ENOPH1: variants seen among roughly 807,000 people sequenced by gnomAD.
ENOPH1 encodes the protein enolase-phosphatase 1, also known as enolase-phosphatase E1.
ENOPH1 carries 14 observed loss-of-function variants against 31.1 expected under a neutral mutation model. The ratio of observed to expected loss-of-function variants is 0.45; its 90% CI spans 0.30 to 0.70. The LOEUF (loss-of-function observed/expected upper bound fraction) is 0.70. Ranked by LOEUF, ENOPH1 falls within the 30% of genes least tolerant of loss-of-function variation. The pLI, the probability that ENOPH1 is intolerant of heterozygous loss-of-function variation, is 0.09. For synonymous variants in ENOPH1, 127 were observed against 123.2 expected, an observed-to-expected ratio of 1.03 and a Z score of -0.21; for missense variants, 243 against 321.5, an observed-to-expected ratio of 0.76 and a Z score of 1.87.
intron 5 of ENOPH1, among the ~76,000 whole-genome samples, chr4:82,458,305 A>G (rs1004917897): frequency 6.6e-6 from 1 of 152,136 alleles, no homozygotes; most frequent in African/African-American, 2.4e-5. Flanking sequence ...TCAGGAATTC[A>G]AGACCAGCCT....
At chr4:82,436,068 C>T (rs1027828311) in intron 1 of ENOPH1, among the ~76,000 whole-genome samples, 1 of 152,172 alleles carries the variant, frequency 6.6e-6, no homozygotes, top group African/African-American at 2.4e-5. Flanking sequence ...CTTACATTTC[C>T]TGAAACCCAC....
intron 5 of ENOPH1, among the ~76,000 whole-genome samples, chr4:82,458,420 G>A (rs1168181676): frequency 6.6e-6 from 1 of 152,122 alleles, no homozygotes. Flanking sequence ...TGAGGCAGGA[G>A]AATTGCTTGA....
intron 1 of ENOPH1, among the ~76,000 whole-genome samples, chr4:82,432,017 A>G (rs12500801): frequency 0.069 from 10,444 of 151,330 alleles, 393 homozygotes; most frequent in Admixed American, 0.092. Flanking sequence ...CTTGGGCTTA[A>G]GGCATCCTCC....
chr4:82,448,994 C>T (rs1188066312), intron 2 of ENOPH1, among the ~76,000 whole-genome samples: 1 of 141,912 alleles, frequency 7.0e-6, no homozygotes, highest in Non-Finnish European at 1.5e-5. Context: ...GGAGGCGGAG[C>T]TTGCAGTGAG....
intron 1 of ENOPH1, among the ~76,000 whole-genome samples, chr4:82,438,676 A>G (rs56876347): frequency 7.3e-4 from 111 of 152,260 alleles, no homozygotes; most frequent in East Asian, 2.1e-3. Flanking sequence ...AAAAATAACA[A>G]TTTTTAAAAG....
intron 4 of ENOPH1, 83 bp downstream of exon 4, chr4:82,454,937 A>G: frequency 7.5e-7 from 1 of 1,339,336 alleles, no homozygotes; most frequent in Admixed American, 2.6e-5. Context: ...ATTGGAACTA[A>G]TAGAATGCTT....
intron 2 of ENOPH1, among the ~76,000 whole-genome samples, chr4:82,449,754 C>T (rs1436602266): frequency 6.6e-6 from 1 of 152,142 alleles, no homozygotes; most frequent in Non-Finnish European, 1.5e-5. Context: ...TCATTTTGCA[C>T]TCCCTCCTTC....
At chr4:82,442,919 G>A (rs954456928) in intron 1 of ENOPH1, among the ~76,000 whole-genome samples, 1 of 152,034 alleles carries the variant, frequency 6.6e-6, no homozygotes, top group Non-Finnish European at 1.5e-5. Flanking sequence ...TTTCCTCCTG[G>A]GTTCAAGCAA....
intron 1 of ENOPH1, among the ~76,000 whole-genome samples, chr4:82,432,704 G>A (rs941504747): frequency 6.7e-5 from 10 of 150,262 alleles, no homozygotes; most frequent in African/African-American, 2.4e-4. Flanking sequence ...CTCCCAGGCT[G>A]GAATACAGTG....
intron 1 of ENOPH1, among the ~76,000 whole-genome samples, chr4:82,434,312 G>T (rs867462950): frequency 6.6e-6 from 1 of 152,156 alleles, no homozygotes; most frequent in Non-Finnish European, 1.5e-5. Flanking sequence ...AGCCAGGTAC[G>T]GTGGCTCAGG....
At chr4:82,439,033 A>G (rs895843730) in intron 1 of ENOPH1, among the ~76,000 whole-genome samples, 20 of 152,272 alleles carry the variant, frequency 1.3e-4, no homozygotes, top group African/African-American at 4.8e-4. Flanking sequence ...CCATTTTCCC[A>G]TCAGCTCACT....
intron 1 of ENOPH1, among the ~76,000 whole-genome samples, chr4:82,441,764 A>G (rs566215954): frequency 5.0e-4 from 76 of 152,092 alleles, no homozygotes; most frequent in African/African-American, 1.8e-3. Flanking sequence ...ACATAGTGAG[A>G]CTGTCTCTAC....
intron 1 of ENOPH1, among the ~76,000 whole-genome samples, chr4:82,440,629 G>A (rs1289968433): frequency 2.6e-5 from 4 of 152,154 alleles, no homozygotes; most frequent in Admixed American, 1.3e-4. Flanking sequence ...GGAACTCATT[G>A]GAGATACTCT....
chr4:82,452,975 C>T (rs973173221), intron 3 of ENOPH1, among the ~76,000 whole-genome samples: 2 of 149,350 alleles, frequency 1.3e-5, no homozygotes, highest in African/African-American at 2.5e-5. Context: ...GATCTCAGCT[C>T]GCTGCAAGCT....
chr4:82,450,431 T>C (rs184279406), intron 2 of ENOPH1, among the ~76,000 whole-genome samples: 1 of 152,264 alleles, frequency 6.6e-6, no homozygotes, highest in East Asian at 1.9e-4. Context: ...CTCCCTTACC[T>C]TTTTTTGTTG....
At chr4:82,454,200 C>A (rs1722424608) in intron 3 of ENOPH1, among the ~76,000 whole-genome samples, 1 of 152,098 alleles carries the variant, frequency 6.6e-6, no homozygotes. Context: ...GGCAACAGAG[C>A]AAGACCCTGT....
At chr4:82,452,008 T>C (rs1343538575) in intron 3 of ENOPH1, among the ~76,000 whole-genome samples, 2 of 152,166 alleles carry the variant, frequency 1.3e-5, no homozygotes, top group South Asian at 2.1e-4. Context: ...CTCAAACTTC[T>C]GGGCTTGAGC....
intron 2 of ENOPH1, among the ~76,000 whole-genome samples, chr4:82,448,825 G>A (rs1403334588): frequency 9.9e-5 from 15 of 151,332 alleles, no homozygotes; most frequent in Admixed American, 2.0e-4. Flanking sequence ...TTGGGAGGCC[G>A]AGGCGGGCGG....
chr4:82,458,954 G>A (rs1416215676), intron 5 of ENOPH1, among the ~76,000 whole-genome samples: 1 of 152,184 alleles, frequency 6.6e-6, no homozygotes, highest in African/African-American at 2.4e-5. Context: ...CAGCCCCAGT[G>A]TGTCTCCTGG....
Sources: gnomAD v4.1 joint callset for allele counts (sites outside exome capture counted in the v4.1 genomes callset) on GRCh38, gnomAD v4.1.1 for gene constraint, MANE v1.5 for transcripts, NCBI Gene and HGNC (gene_info 2026-07-23, HGNC 2026-07-21) for gene names.